Variants in ZNF236 observed in about 807,000 individuals in gnomAD.
ZNF236 encodes the protein zinc finger protein 236.
A neutral mutation model predicts 191.2 loss-of-function variants in ZNF236; 50 were observed. That is an observed-to-expected ratio of 0.26 (90% CI 0.21 to 0.33). The LOEUF is 0.33. Ranked by LOEUF, ZNF236 falls within the 10% of genes least tolerant of loss-of-function variation. The pLI, the probability that ZNF236 is intolerant of heterozygous loss-of-function variation, is 1.00. For synonymous variants in ZNF236, 907 were observed against 928.8 expected (o/e 0.98, Z 0.43); for missense variants, 1,754 against 2,374.5 (o/e 0.74, Z 5.43).
At chr18:76,938,869 T>G (rs470492) in intron 26 of ZNF236, among the ~76,000 whole-genome samples, 152,096 of 152,332 alleles carry the variant, frequency 1, 75,934 homozygotes, top group Non-Finnish European at 1. Context: ...CTGGGAAGCA[T>G]AGCTTGCATC....
chr18:76,935,348 T>C (rs1399223710), intron 25 of ZNF236, among the ~76,000 whole-genome samples: 1 of 152,254 alleles, frequency 6.6e-6, no homozygotes, highest in Non-Finnish European at 1.5e-5. Context: ...TGGCCCTGTC[T>C]GAAGTTGTTT....
chr18:76,913,687 C>T lies in ZNF236; in HGVS notation c.2910-60C>T, dbSNP rs549509729. ...TTTGCTTTTCTTCCCTTTTCAGGTG[C>T]TGTATTTGTAATTGTGCTATGAATT... On this transcript the variant is annotated intron_variant, in intron 17 of 30. Transcript: ENST00000320610. The T allele has an allele frequency of 3.2e-6, 5 of 1,560,356 alleles. No individual in the cohort carries two copies. In the African/African-American group the frequency reaches 4.1e-5, roughly 13 times the overall value.
At chr18:76,836,128 G>C (rs544023542) in intron 1 of ZNF236, among the ~76,000 whole-genome samples, 2 of 152,102 alleles carry the variant, frequency 1.3e-5, no homozygotes, top group Admixed American at 1.3e-4. Flanking sequence ...GGCTGGTCTC[G>C]AACTTCTGAC....
intron 27 of ZNF236, among the ~76,000 whole-genome samples, chr18:76,950,232 C>T (rs530882645): frequency 6.6e-6 from 1 of 152,310 alleles, no homozygotes; most frequent in East Asian, 1.9e-4. Context: ...TGTTTGATAG[C>T]ATTTTACGCA....
At chr18:76,904,306 C>T (rs2122739484) in intron 11 of ZNF236, 74 bp from the exon 12 acceptor site, 2 of 1,414,772 alleles carry the variant, frequency 1.4e-6, no homozygotes, top group South Asian at 3.5e-5. Context: ...CTGGGTAAAA[C>T]ATGTGCCTTG....
At chr18:76,961,554 T>G (rs1377451651) in intron 30 of ZNF236, among the ~76,000 whole-genome samples, 1 of 152,160 alleles carries the variant, frequency 6.6e-6, no homozygotes, top group Non-Finnish European at 1.5e-5. Context: ...AGATTCTACT[T>G]ATTTTCCTCT....
rs1330814235 is a variant in ZNF236, at chr18:76,909,944, G to A, written c.2552-124G>A. On this transcript the variant is annotated intron_variant, in intron 14 of 30. Transcript: ENST00000320610. ...TATGTATGTATTAAATTATCTCCCT[G>A]TTTTCTTTTCAAAATAAGGTGTCTG... 4.6e-6 allele frequency: 3 copies of A among 655,344 alleles called. No homozygotes were observed. In the East Asian group the frequency reaches 7.7e-5, roughly 17 times the overall value. The allele number at this position is 655,344 out of a possible 1,614,324, so 40.6% of individuals were successfully genotyped here.
At chr18:76,894,015 G>A (rs531640860) in intron 9 of ZNF236, among the ~76,000 whole-genome samples, 1 of 152,184 alleles carries the variant, frequency 6.6e-6, no homozygotes, top group Non-Finnish European at 1.5e-5. Context: ...AAAGTGTTCT[G>A]GTGAAATTTC....
intron 1 of ZNF236, among the ~76,000 whole-genome samples, chr18:76,837,143 C>CCCCCCCCCCCCCCCCG (rs1975358526): frequency 3.2e-5 from 4 of 125,872 alleles, no homozygotes; most frequent in African/African-American, 1.1e-4. Context: ...CCCCCCCGCC[C>CCCCCCCCCCCCCCCCG]CGCAAGCCTC....
rs1275270516 is a variant in ZNF236 at position 76,908,415 on chromosome 18, T to C, written c.2393T>C (p.Met798Thr). The change falls in exon 14 of 31, where the codon ATG (methionine) becomes ACG (threonine). Residue 798 changes from methionine to threonine, a missense_variant. Met to Thr is a moderately conservative substitution (Grantham distance 81, BLOSUM62 -1). Coordinates refer to ENST00000320610, the MANE Select transcript of ZNF236 (RefSeq NM_001306089.2). ...DQQSMQASTQ[M>T]QVEIESDELP... ...CAGAGCATGCAGGCCTCCACTCAAA[T>C]GCAGGTGGAGATCGAGAGCGACGAG... 2.5e-6 allele frequency: 4 copies of C among 1,614,064 alleles called. No individual in the cohort carries two copies. The highest frequency in any genetic ancestry group is 3.4e-6 in the Non-Finnish European group (4 of 1,180,036).
In ZNF236 at chr18:76,880,401, G is replaced by A; in HGVS notation, c.1188+85G>A. ...GATGATAATTGAGAATAAATCTGCA[G>A]GGCTTGTCAAAGTCAGGGTATCCTC... is the stretch of plus-strand genomic sequence containing the variant. On this transcript the variant is annotated intron_variant, in intron 8 of 30. Transcript: ENST00000320610. This position sits in a 1 kb window ranked among gnomAD's most constrained non-coding sequence, Gnocchi z 5.0. 2.2e-6 allele frequency: 3 copies of A among 1,380,250 alleles called. No homozygotes were observed. Among genetic ancestry groups the A allele is most frequent in the Non-Finnish European group, 2.9e-6 (3 of 1,032,208 alleles). 85.5% of individuals were successfully genotyped at this position (1,380,250 alleles called of 1,614,324 possible).
chr18:76,915,497 A>C, intron 18 of ZNF236, 150 bp from the exon 19 acceptor site: 1 of 673,236 alleles, frequency 1.5e-6, no homozygotes, highest in South Asian at 2.0e-5. Flanking sequence ...TTTGTAATTT[A>C]CTTTTTTTTT....
rs1047711865 is a variant in ZNF236 at position 76,849,628 on chromosome 18, A to G, written c.158A>G (p.Gln53Arg). 5.0e-6 allele frequency: 8 copies of G among 1,609,292 alleles called. No individual in the cohort carries two copies. Among genetic ancestry groups the G allele is most frequent in the Non-Finnish European group, 6.8e-6 (8 of 1,178,830 alleles). ...CTACTATCTTTTCCAAAAGAATCCCAGTTTCAACGCCACATGAGGGATCAC... is the reference window on the plus strand; with the variant it reads ...CTACTATCTTTTCCAAAAGAATCCCGGTTTCAACGCCACATGAGGGATCAC... ...ICLLSFPKES[Q>R]FQRHMRDHER... Residue 53 changes from glutamine (Q) to arginine (R), a missense_variant, in exon 2 of 31, where the codon CAG (glutamine) becomes CGG (arginine). By Grantham distance (43) the Gln-to-Arg change is conservative (BLOSUM62 1). Transcript: ENST00000320610.
intron 10 of ZNF236, among the ~76,000 whole-genome samples, 179 bp from the exon 11 acceptor site, chr18:76,898,840 A>G (rs904353695): frequency 3.3e-5 from 5 of 152,250 alleles, no homozygotes; most frequent in Non-Finnish European, 1.5e-5. Context: ...CTTAATATCT[A>G]TAATATGCAC....
chr18:76,926,634 G>C lies in ZNF236; in HGVS notation c.4028-403G>C, dbSNP rs914810970. Among the ~76,000 whole-genome samples the C allele has an allele frequency of 4.0e-5, 6 of 151,858 alleles. 1 individual carries two copies. Among genetic ancestry groups the C allele is most frequent in the African/African-American group, 1.2e-4 (5 of 41,356 alleles). ...GGTATAAAGGGTGATTAGACAGTGT[G>C]TGTATATATGGTATAAAGGGTGATT... On this transcript the variant is annotated intron_variant, in intron 22 of 30. Transcript: ENST00000320610.
At chr18:76,923,525 T>G (rs1244408094) in intron 21 of ZNF236, among the ~76,000 whole-genome samples, 1 of 152,242 alleles carries the variant, frequency 6.6e-6, no homozygotes. Flanking sequence ...ACTTAGCAAA[T>G]CTGATGGCAG....
At chr18:76,910,254 T>G in intron 15 of ZNF236, 85 bp downstream of exon 15, 1 of 1,179,994 alleles carries the variant, frequency 8.5e-7, no homozygotes, top group Non-Finnish European at 1.2e-6. Flanking sequence ...ATGTTTTCTC[T>G]TAAGGCCCTT....
chr18:76,905,140 G>T lies in ZNF236; in HGVS notation c.2037-15G>T. 6.3e-7 allele frequency: 1 copy of T among 1,595,166 alleles called. No individual in the cohort carries two copies. Among genetic ancestry groups the T allele is most frequent in the Non-Finnish European group, 8.6e-7 (1 of 1,169,282 alleles). On this transcript the variant is annotated splice_polypyrimidine_tract_variant and intron_variant, in intron 12 of 30. Transcript: ENST00000320610. ...ATAAGAAACATATTCATTAAAATGTGTATTTTTTTTTAAGATCCCATACAG... is the reference window on the plus strand; with the variant it reads ...ATAAGAAACATATTCATTAAAATGTTTATTTTTTTTTAAGATCCCATACAG...
intron 10 of ZNF236, among the ~76,000 whole-genome samples, chr18:76,896,445 C>T (rs184421221): frequency 1.3e-5 from 2 of 149,436 alleles, no homozygotes; most frequent in East Asian, 4.0e-4. Context: ...ATACTAAATA[C>T]AGGTACCACA....
Sources: allele counts gnomAD v4.1 joint callset (sites outside exome capture counted in the v4.1 genomes callset), GRCh38; gene constraint gnomAD v4.1.1; non-coding constraint Gnocchi (gnomAD v3.1); transcripts MANE v1.5; gene names NCBI Gene and HGNC (gene_info 2026-07-23, HGNC 2026-07-21).